Variants in TMEFF1 observed in about 807,000 individuals in gnomAD.
The protein encoded by TMEFF1 is transmembrane protein with EGF like and two follistatin like domains 1.
In TMEFF1, 20 loss-of-function variants were observed where a neutral mutation model predicts 47.5. The observed-to-expected ratio is 0.42, with a 90% CI of 0.30 to 0.61. The LOEUF is 0.61. TMEFF1 is among the 20% of genes least tolerant of loss of function. The pLI, the probability that TMEFF1 is intolerant of heterozygous loss-of-function variation, is 0.19. For missense variants in TMEFF1, 411 were observed against 471.1 expected (o/e 0.87, Z 1.18); for synonymous variants, 162 against 166.3 (o/e 0.97, Z 0.20).
At chr9:100,570,178 T>A (rs1363557732) in intron 8 of TMEFF1, among the ~76,000 whole-genome samples, 1 of 152,214 alleles carries the variant, frequency 6.6e-6, no homozygotes, top group Non-Finnish European at 1.5e-5. Flanking sequence ...TCCATTTATT[T>A]GTTAATGGAC....
At chr9:100,500,909 C>G (rs1399715873) in intron 2 of TMEFF1, among the ~76,000 whole-genome samples, 1 of 152,198 alleles carries the variant, frequency 6.6e-6, no homozygotes, top group Non-Finnish European at 1.5e-5. Context: ...TGGTGGGCAG[C>G]AACACAAGTA....
At chr9:100,513,393 CTTT>C (rs376847862) in intron 4 of TMEFF1, 60 bp downstream of exon 4, 673 of 1,227,984 alleles carry the variant, frequency 5.5e-4, no homozygotes, top group South Asian at 2.6e-3. Flanking sequence ...CTTTCTTTTT[CTTT>C]TTTTTTTTTT....
chr9:100,576,576 A>G lies in TMEFF1; in HGVS notation c.1119A>G (p.Ser373=). 1 of 1,613,546 alleles carries G rather than the reference A, an allele frequency of 6.2e-7. No individual in the cohort carries two copies. Among genetic ancestry groups the G allele is most frequent in the Non-Finnish European group, 8.5e-7 (1 of 1,179,668 alleles). The change falls in exon 10 of 10, where the codon TCA becomes TCG. Residue 373 remains serine (S), a synonymous_variant. Transcript: ENST00000374879. ...RQKQNLGHFT[S]DTSSRMV ...AGCAAAACCTAGGTCATTTTACTTC[A>G]GATACGTCATCCAGAATGGTTTAAA...
chr9:100,479,787 T>A (rs2118236029), intron 1 of TMEFF1, among the ~76,000 whole-genome samples: 1 of 152,370 alleles, frequency 6.6e-6, no homozygotes, highest in Non-Finnish European at 1.5e-5. Context: ...ATATTTGAGT[T>A]GTTTTTACTT....
chr9:100,528,446 A>G (rs1202593026), intron 5 of TMEFF1, among the ~76,000 whole-genome samples: 4 of 147,396 alleles, frequency 2.7e-5, no homozygotes, highest in Non-Finnish European at 6.0e-5. Context: ...TGAAGAATGC[A>G]GAAGCCTCAG....
chr9:100,528,051 TAACA>T (rs1431563658), intron 5 of TMEFF1, among the ~76,000 whole-genome samples: 2 of 151,728 alleles, frequency 1.3e-5, no homozygotes, highest in African/African-American at 4.8e-5. Context: ...GAAGGAAAAC[TAACA>T]AACAGAAAGG....
At chr9:100,522,571 G>A (rs1838183021) in intron 5 of TMEFF1, among the ~76,000 whole-genome samples, 1 of 151,026 alleles carries the variant, frequency 6.6e-6, no homozygotes, top group Non-Finnish European at 1.5e-5. Flanking sequence ...CAAGGAGCTG[G>A]GATTACAGGT....
At chr9:100,526,965 A>T (rs1471257923) in intron 5 of TMEFF1, among the ~76,000 whole-genome samples, 61 of 149,384 alleles carry the variant, frequency 4.1e-4, no homozygotes, top group African/African-American at 1.2e-3. Flanking sequence ...CAAAAAAAAA[A>T]AAAAAAAAAA....
intron 7 of TMEFF1, among the ~76,000 whole-genome samples, chr9:100,556,847 A>G (rs1165553590): frequency 6.6e-6 from 1 of 151,984 alleles, no homozygotes; most frequent in African/African-American, 2.4e-5. Flanking sequence ...ATTATGTACT[A>G]ACCTTCTTAT....
intron 5 of TMEFF1, among the ~76,000 whole-genome samples, chr9:100,532,802 G>A (rs894647398): frequency 4.6e-4 from 70 of 152,090 alleles, no homozygotes; most frequent in African/African-American, 1.4e-3. Context: ...TGTTTATTGC[G>A]TCATTATTCA....
chr9:100,504,158 A>G (rs993401763), intron 2 of TMEFF1, among the ~76,000 whole-genome samples: 2 of 152,216 alleles, frequency 1.3e-5, no homozygotes, highest in Non-Finnish European at 2.9e-5. Flanking sequence ...CAAGGGTGGC[A>G]ATATAGAGGA....
intron 1 of TMEFF1, among the ~76,000 whole-genome samples, chr9:100,476,645 G>A (rs1837233872): frequency 6.6e-6 from 1 of 150,452 alleles, no homozygotes; most frequent in Non-Finnish European, 1.5e-5. Flanking sequence ...CGCCTGCCTC[G>A]GCCTCCCAAA....
intron 5 of TMEFF1, among the ~76,000 whole-genome samples, chr9:100,547,085 G>A (rs902599283): frequency 2.0e-5 from 3 of 152,206 alleles, no homozygotes; most frequent in East Asian, 3.9e-4. Flanking sequence ...GTGCAATTAT[G>A]GCTCACTGCG....
chr9:100,479,201 C>T (rs186029235), intron 1 of TMEFF1, among the ~76,000 whole-genome samples: 6 of 152,128 alleles, frequency 3.9e-5, no homozygotes, highest in Admixed American at 6.5e-5. Context: ...TTGAATACTG[C>T]GTAGTGTAAT....
chr9:100,475,467 G>C (rs1012394135), intron 1 of TMEFF1, among the ~76,000 whole-genome samples: 7 of 152,096 alleles, frequency 4.6e-5, no homozygotes, highest in Non-Finnish European at 1.5e-5. Context: ...ATATTAGAGT[G>C]CCTTTTTATG....
chr9:100,473,680 G>A lies in TMEFF1; in HGVS notation c.136G>A (p.Gly46Ser). 1 of 1,541,222 alleles carries A rather than the reference G, an allele frequency of 6.5e-7. No homozygotes were observed. Among genetic ancestry groups the A allele is most frequent in the African/African-American group, 1.4e-5 (1 of 72,162 alleles). ...GSRASNQPPGGGGGSGGDCPG... is the reference protein window; with the variant it reads ...GSRASNQPPGSGGGSGGDCPG... Reference sequence around the variant, plus strand: ...CCGCGCGTCCAACCAGCCCCCGGGTGGTGGCGGCGGCAGCGGCGGGGACTG... The same window carrying A: ...CCGCGCGTCCAACCAGCCCCCGGGTAGTGGCGGCGGCAGCGGCGGGGACTG... Residue 46 changes from glycine (G) to serine (S), a missense_variant, in exon 1 of 10, where the codon GGT (glycine) becomes AGT (serine). Transcript: ENST00000374879. This position sits in a 1 kb window ranked among gnomAD's most constrained non-coding sequence, Gnocchi z 5.4.
At chr9:100,523,684 C>A (rs1325819289) in intron 5 of TMEFF1, among the ~76,000 whole-genome samples, 1 of 152,104 alleles carries the variant, frequency 6.6e-6, no homozygotes, top group Middle Eastern at 3.2e-3. Context: ...GCTAAATAAA[C>A]TTACTATATT....
intron 4 of TMEFF1, among the ~76,000 whole-genome samples, chr9:100,516,301 A>T (rs1197622523): frequency 6.6e-6 from 1 of 152,200 alleles, no homozygotes; most frequent in East Asian, 1.9e-4. Context: ...AGCTTTGCAC[A>T]GGCTGATTGC....
chr9:100,486,188 G>A (rs187318213), intron 1 of TMEFF1, among the ~76,000 whole-genome samples: 1 of 152,092 alleles, frequency 6.6e-6, no homozygotes, highest in Admixed American at 6.5e-5. Context: ...AGGAAATCTG[G>A]GATAATTGCC....
Sources: gnomAD v4.1 joint callset for allele counts (sites outside exome capture counted in the v4.1 genomes callset) on GRCh38, gnomAD v4.1.1 for gene constraint, Gnocchi (gnomAD v3.1) non-coding constraint, MANE v1.5 for transcripts, NCBI Gene and HGNC (gene_info 2026-07-23, HGNC 2026-07-21) for gene names.